Variants in MGRN1 observed in about 807,000 individuals in gnomAD.
The protein encoded by MGRN1 is mahogunin ring finger 1, also known as E3 ubiquitin-protein ligase MGRN1.
A neutral mutation model predicts 69.2 loss-of-function variants in MGRN1; 29 were observed. The ratio of observed to expected loss-of-function variants is 0.42; its 90% CI spans 0.31 to 0.57. The LOEUF (loss-of-function observed/expected upper bound fraction) is 0.57, where lower values mean the gene tolerates loss of function less well. Among genes scored for constraint, MGRN1 ranks in the 20% least tolerant of loss-of-function variants. MGRN1 has a pLI of 0.15. For missense variants in MGRN1, 998 were observed against 796.2 expected (o/e 1.25, Z -3.05); for synonymous variants, 470 against 344.2 (o/e 1.37, Z -4.04).
Position 4,677,561 on chromosome 16 carries a change from G to A in MGRN1, c.1054G>A (p.Asp352Asn). 1.9e-6 allele frequency: 3 copies of A among 1,599,968 alleles called. No individual in the cohort carries two copies. The African/African-American group carries it at 4.0e-5, about 21-fold the overall frequency. ...CGTCCTGGCCCAGAGCCTGGAGCAT[G>A]ATGAGCACTCTGTAAGTGCCGCCTC... The part of the protein sequence containing the change: ...SPVLAQSLEH[D>N]EHSCPFKKSK... The change falls in exon 11 of 17, where the codon GAT becomes AAT. Residue 352 changes from aspartate (D) to asparagine (N), a missense_variant. Transcript: ENST00000262370.
intron 8 of MGRN1, 192 bp from the exon 9 acceptor site, chr16:4,671,199 C>T (rs2078929434): frequency 3.3e-6 from 2 of 607,830 alleles, no homozygotes; most frequent in Admixed American, 2.9e-5. Flanking sequence ...CAGCCCTGTT[C>T]CAGGTGCTGC....
intron 1 of MGRN1, among the ~76,000 whole-genome samples, chr16:4,636,852 G>A (rs1174839127): frequency 6.6e-6 from 1 of 152,062 alleles, no homozygotes; most frequent in East Asian, 1.9e-4. Context: ...AGGCTCAGTG[G>A]CTCACACCTG....
rs1318300167 is a variant in MGRN1 at position 4,689,526 on chromosome 16, A to G, written c.*618A>G. The G allele has an allele frequency of 6.6e-6, 1 of 152,546 alleles. No individual in the cohort carries two copies. Among genetic ancestry groups the G allele is most frequent in the Non-Finnish European group, 1.5e-5 (1 of 68,152 alleles). 9.4% of individuals were successfully genotyped at this position (152,546 alleles called of 1,614,324 possible). A position where few individuals can be genotyped will look rare whatever the true frequency, so the allele number is the denominator to read the frequency against. Reference sequence around the variant, plus strand: ...GGGGTGCATGGGTGCCGCCCTGGGCAGCTAGAGTGTCTCAGCCCGGTGCTG... The same window carrying G: ...GGGGTGCATGGGTGCCGCCCTGGGCGGCTAGAGTGTCTCAGCCCGGTGCTG... On this transcript the variant is annotated 3_prime_UTR_variant, in exon 17 of 17. Transcript: ENST00000262370.
chr16:4,680,129 T>C lies in MGRN1; in HGVS notation c.1131+32T>C, dbSNP rs539216901. On this transcript the variant is annotated intron_variant, in intron 12 of 16. Transcript: ENST00000262370. ...GTCTGGTCCTCCGGCTACGTTTTTT[T>C]GCCCCCGCCCTCATTTTTAAACCCA... 9 of 1,607,362 alleles carry C rather than the reference T, an allele frequency of 5.6e-6. No homozygotes were observed. The African/African-American group carries it at 9.3e-5, about 17-fold the overall frequency.
Position 4,650,448 on chromosome 16 carries a change from A to G in MGRN1, c.172A>G (p.Met58Val), listed in dbSNP as rs1567190998. The G allele has an allele frequency of 4.3e-6, 7 of 1,613,894 alleles. No homozygotes were observed. The highest frequency in any genetic ancestry group is 1.3e-5 in the African/African-American group (1 of 74,936). ...TGAAGGTTACCTCTTTGGAGAGAAC[A>G]TGGATCTGAACTTCCTGGGCAGCCG... is the stretch of plus-strand genomic sequence containing the variant. ...HPEGYLFGEN[M>V]DLNFLGSRPV... Residue 58 changes from methionine (M) to valine (V), a missense_variant, in exon 2 of 17, where the codon ATG becomes GTG. Transcript: ENST00000262370.
intron 5 of MGRN1, among the ~76,000 whole-genome samples, chr16:4,657,984 C>T (rs1338380833): frequency 2.6e-5 from 4 of 151,010 alleles, no homozygotes; most frequent in Non-Finnish European, 4.4e-5. Flanking sequence ...CCTTGTGATC[C>T]GCCGGCCTCG....
intron 5 of MGRN1, among the ~76,000 whole-genome samples, chr16:4,663,536 C>A (rs1270268673): frequency 2.0e-5 from 3 of 152,096 alleles, no homozygotes; most frequent in Non-Finnish European, 4.4e-5. Context: ...GATTCTTTTT[C>A]TTCCCAGAAT....
intron 11 of MGRN1, among the ~76,000 whole-genome samples, chr16:4,678,563 T>G (rs1039349655): frequency 2.7e-5 from 4 of 148,346 alleles, no homozygotes; most frequent in Non-Finnish European, 3.0e-5. Flanking sequence ...AGAGACAGGG[T>G]GAGAGAGATG....
rs2078990678 is a variant in MGRN1, at chr16:4,673,677, G to A, written c.955+20G>A. On this transcript the variant is annotated intron_variant, in intron 10 of 16. Transcript: ENST00000262370. ...GGCTGCGTGAGTTCCCCGGCCGGCT[G>A]TTCTGTGGAAGGTTCTGGAAATTAG... The A allele has an allele frequency of 6.2e-7, 1 of 1,610,742 alleles. No homozygotes were observed. Among genetic ancestry groups the A allele is most frequent in the Non-Finnish European group, 8.5e-7 (1 of 1,179,084 alleles).
chr16:4,644,809 G>A (rs1423528418), intron 1 of MGRN1, among the ~76,000 whole-genome samples: 1 of 151,990 alleles, frequency 6.6e-6, no homozygotes, highest in Non-Finnish European at 1.5e-5. Context: ...TTACCATGGG[G>A]ACACCTTTTT....
intron 8 of MGRN1, 84 bp from the exon 9 acceptor site, chr16:4,671,307 G>A (rs1330784820): frequency 1.4e-5 from 19 of 1,347,862 alleles, no homozygotes; most frequent in Non-Finnish European, 1.8e-5. Context: ...TGGTAAGTTG[G>A]AGGCAGGGCT....
At chr16:4,665,050 C>T (rs2141924497) in intron 6 of MGRN1, 52 bp from the exon 7 acceptor site, 1 of 1,607,274 alleles carries the variant, frequency 6.2e-7, no homozygotes, top group African/African-American at 1.3e-5. Context: ...GGTGAGATGC[C>T]TGGGTGGGGC....
At chr16:4,634,718 C>G (rs1172643532) in intron 1 of MGRN1, 1 of 152,362 alleles carries the variant, frequency 6.6e-6, no homozygotes, top group African/African-American at 2.4e-5. Flanking sequence ...TTTGCCTTTC[C>G]ATAGACCTGG....
At chr16:4,626,573 A>T (rs888609042) in intron 1 of MGRN1, among the ~76,000 whole-genome samples, 1 of 152,208 alleles carries the variant, frequency 6.6e-6, no homozygotes, top group Admixed American at 6.5e-5. Flanking sequence ...ATAAAGGAAG[A>T]TAAGTGACTA....
intron 1 of MGRN1, among the ~76,000 whole-genome samples, chr16:4,645,161 G>C (rs988467330): frequency 6.9e-6 from 1 of 144,246 alleles, no homozygotes; most frequent in African/African-American, 2.6e-5. Context: ...TGGGGGTGGT[G>C]GTGGGGGGAC....
chr16:4,665,982 A>G (rs2078795378), intron 7 of MGRN1, among the ~76,000 whole-genome samples: 1 of 151,622 alleles, frequency 6.6e-6, no homozygotes, highest in Non-Finnish European at 1.5e-5. Flanking sequence ...GATGCCCGCC[A>G]CCATGCCCAG....
At chr16:4,674,228 C>T (rs2079004013) in intron 10 of MGRN1, among the ~76,000 whole-genome samples, 1 of 152,208 alleles carries the variant, frequency 6.6e-6, no homozygotes, top group Admixed American at 6.5e-5. Flanking sequence ...AAGTAATCTG[C>T]CTGCCTCAGC....
chr16:4,672,424 C>T (rs116277866), intron 9 of MGRN1: 301 of 456,744 alleles, frequency 6.6e-4, no homozygotes, highest in African/African-American at 5.4e-3. Flanking sequence ...CTCACAGGCC[C>T]GCTTCATTAT....
In MGRN1 at chr16:4,650,463, C is replaced by T. The variant is rs1380678731; in HGVS notation, c.187C>T (p.Leu63=). ...TGGAGAGAACATGGATCTGAACTTC[C>T]TGGGCAGCCGCCCGGTCCAGGTGGG... ...LFGENMDLNF[L]GSRPVQFPYV... is the part of the protein sequence containing the mutation. Residue 63 remains leucine, a synonymous_variant, in exon 2 of 17, where the codon CTG becomes TTG. Transcript: ENST00000262370. 6.2e-7 allele frequency: 1 copy of T among 1,613,654 alleles called. No individual in the cohort carries two copies. The highest frequency in any genetic ancestry group is 1.3e-5 in the African/African-American group (1 of 74,918).
Sources: allele counts gnomAD v4.1 joint callset (sites outside exome capture counted in the v4.1 genomes callset), GRCh38; gene constraint gnomAD v4.1.1; transcripts MANE v1.5; gene names NCBI Gene and HGNC (gene_info 2026-07-23, HGNC 2026-07-21).